DDX46: variants seen among roughly 807,000 people sequenced by gnomAD.
DDX46 encodes DEAD-box helicase 46, also known as probable ATP-dependent RNA helicase DDX46.
DDX46 carries 30 observed loss-of-function variants against 134.9 expected under a neutral mutation model. The observed-to-expected ratio is 0.22, with a 90% confidence interval of 0.17 to 0.30. DDX46 has a LOEUF of 0.30. Ranked by LOEUF, DDX46 falls within the 10% of genes least tolerant of loss-of-function variation. The pLI is 1.00. For missense variants in DDX46, 622 were observed against 1,248.7 expected (o/e 0.50, Z 7.56); for synonymous variants, 415 against 404.1 (o/e 1.03, Z -0.32).
intron 3 of DDX46, among the ~76,000 whole-genome samples, chr5:134,769,541 G>GTTTTT (rs1194092241): frequency 1.8e-5 from 2 of 113,318 alleles, no homozygotes; most frequent in African/African-American, 3.2e-5. Context: ...TTTTTTGTTT[G>GTTTTT]TTTTTTTTTT....
At chr5:134,769,327 G>GTTTTTTTTTT (rs1026334806) in intron 3 of DDX46, among the ~76,000 whole-genome samples, 1 of 100,480 alleles carries the variant, frequency 1.0e-5, no homozygotes, top group East Asian at 3.5e-4. Flanking sequence ...TATTTTCAAG[G>GTTTTTTTTTT]TTTTTTTTTT....
At chr5:134,824,866 T>C (rs891391438) in intron 21 of DDX46, among the ~76,000 whole-genome samples, 17 of 152,256 alleles carry the variant, frequency 1.1e-4, no homozygotes, top group Non-Finnish European at 2.4e-4. Flanking sequence ...GCTCCAGGCC[T>C]CCCACCAGGC....
chr5:134,785,668 T>A (rs1580791910), intron 11 of DDX46, 82 bp downstream of exon 11: 1 of 1,471,628 alleles, frequency 6.8e-7, no homozygotes, highest in South Asian at 1.4e-5. Context: ...CTTTTACTTT[T>A]AGTTTTTTGA....
At chr5:134,787,369 A>G (rs1754370249) in intron 11 of DDX46, among the ~76,000 whole-genome samples, 1 of 152,216 alleles carries the variant, frequency 6.6e-6, no homozygotes. Context: ...CTTTCCTGTA[A>G]GACTTCTTTG....
At chr5:134,825,807 C>T (rs1225033293) in intron 21 of DDX46, 1 of 152,184 alleles carries the variant, frequency 6.6e-6, no homozygotes. Context: ...CCATTGGCCT[C>T]ATCTGTATTT....
chr5:134,813,981 C>CT (rs1755219826), intron 18 of DDX46, among the ~76,000 whole-genome samples: 1 of 152,196 alleles, frequency 6.6e-6, no homozygotes, highest in African/African-American at 2.4e-5. Flanking sequence ...AGAAAAAAGA[C>CT]TATTAAATAA....
At chr5:134,770,486 A>G (rs1753727598) in intron 3 of DDX46, among the ~76,000 whole-genome samples, 2 of 152,158 alleles carry the variant, frequency 1.3e-5, no homozygotes, top group African/African-American at 4.8e-5. Context: ...AGTGCTGGGT[A>G]TATAAGTGTG....
chr5:134,826,621 T>TA, intron 21 of DDX46: 1 of 189,136 alleles, frequency 5.3e-6, no homozygotes, highest in South Asian at 1.8e-4. Flanking sequence ...CCAAGGAAGT[T>TA]ATATTTCCCT....
At chr5:134,769,014 C>T (rs560352624) in intron 3 of DDX46, among the ~76,000 whole-genome samples, 3 of 152,036 alleles carry the variant, frequency 2.0e-5, no homozygotes, top group South Asian at 2.1e-4. Flanking sequence ...GCCGAGATTG[C>T]GCCACTGCAC....
chr5:134,807,572 T>C (rs1305918944), intron 15 of DDX46, among the ~76,000 whole-genome samples, 176 bp from the exon 16 acceptor site: 2 of 152,242 alleles, frequency 1.3e-5, no homozygotes, highest in Non-Finnish European at 2.9e-5. Flanking sequence ...GAAAGATTCA[T>C]AAATGAGTTA....
chr5:134,783,122 C>T (rs916007749), intron 9 of DDX46, 57 bp downstream of exon 9: 5 of 1,581,212 alleles, frequency 3.2e-6, no homozygotes, highest in Non-Finnish European at 4.3e-6. Flanking sequence ...AATAGTCCTT[C>T]CACACCAGTG....
intron 5 of DDX46, among the ~76,000 whole-genome samples, chr5:134,775,685 G>A: frequency 6.6e-6 from 1 of 151,940 alleles, no homozygotes. Flanking sequence ...GTAGAGATGG[G>A]GTTTCACTAT....
At chr5:134,827,121 G>GA in intron 22 of DDX46, 101 bp downstream of exon 22, 1 of 1,213,260 alleles carries the variant, frequency 8.2e-7, no homozygotes, top group Non-Finnish European at 1.1e-6. Flanking sequence ...ATAGTTTGAT[G>GA]AATTTTCACA....
chr5:134,799,705 T>A (rs1019445226), intron 15 of DDX46, among the ~76,000 whole-genome samples: 4 of 150,084 alleles, frequency 2.7e-5, no homozygotes, highest in African/African-American at 9.8e-5. Flanking sequence ...ACCATTGCAC[T>A]CTGGTGTGGG....
At chr5:134,767,560 C>T (rs777719552) in intron 3 of DDX46, among the ~76,000 whole-genome samples, 41 of 152,054 alleles carry the variant, frequency 2.7e-4, no homozygotes, top group Non-Finnish European at 5.1e-4. Context: ...AGGCTGGTCT[C>T]GAACTCCTGA....
At chr5:134,815,630 C>T (rs1302278077) in intron 18 of DDX46, among the ~76,000 whole-genome samples, 1 of 137,252 alleles carries the variant, frequency 7.3e-6, no homozygotes, top group Non-Finnish European at 1.5e-5. Context: ...TGGCGTGAAC[C>T]TGGGAGGCGG....
chr5:134,786,546 C>A, intron 11 of DDX46, among the ~76,000 whole-genome samples: 1 of 152,060 alleles, frequency 6.6e-6, no homozygotes, highest in South Asian at 2.1e-4. Context: ...ATGCTGACAT[C>A]TTTAAAAAGT....
chr5:134,797,441 T>G (rs1490953217), intron 15 of DDX46, among the ~76,000 whole-genome samples: 4 of 152,202 alleles, frequency 2.6e-5, no homozygotes, highest in Non-Finnish European at 5.9e-5. Context: ...GGCTGGCAAA[T>G]TGGTACTGGC....
intron 9 of DDX46, 127 bp downstream of exon 9, chr5:134,783,192 A>C (rs1754209530): frequency 1.6e-5 from 21 of 1,288,988 alleles, no homozygotes; most frequent in Non-Finnish European, 2.1e-5. Context: ...ACTTTCATTG[A>C]GATAATTTAT....
Sources: gnomAD v4.1 joint callset for allele counts (sites outside exome capture counted in the v4.1 genomes callset) on GRCh38, gnomAD v4.1.1 for gene constraint, MANE v1.5 for transcripts, NCBI Gene and HGNC (gene_info 2026-07-23, HGNC 2026-07-21) for gene names.